The following TYROBP variants were observed in gnomAD, a reference collection of about 807,000 sequenced individuals.
TYROBP encodes TYRO protein tyrosine kinase-binding protein.
Under a neutral mutation model 17.1 loss-of-function variants are expected in TYROBP, and 14 were observed. The ratio of observed to expected loss-of-function variants is 0.82; its 90% CI spans 0.54 to 1.28. The LOEUF is 1.28. Among genes scored for constraint, TYROBP ranks in the 50% most tolerant of loss-of-function variants. TYROBP has a pLI of 0.00. For synonymous variants in TYROBP, 73 were observed against 67.4 expected, an observed-to-expected ratio of 1.08 and a Z score of -0.41; for missense variants, 161 against 151.4, an observed-to-expected ratio of 1.06 and a Z score of -0.33.
chr19:35,907,830 A>G, intron 1 of TYROBP, 68 bp from the exon 2 acceptor site: 1 of 1,552,916 alleles, frequency 6.4e-7, no homozygotes, highest in South Asian at 1.1e-5. Context: ...CAAGTTTAGA[A>G]GCCAGGGAAG....
rs745910229 is a variant in TYROBP at position 35,908,270 on chromosome 19, G to A, written c.-42C>T. 6.3e-7 allele frequency: 1 copy of A among 1,578,648 alleles called. No homozygotes were observed. Among genetic ancestry groups the A allele is most frequent in the Non-Finnish European group, 8.7e-7 (1 of 1,147,948 alleles). The stretch of plus-strand genomic sequence containing the variant: ...GGACACCACAGTGTAAGGGCCGGTG[G>A]GATGTGGCGCAGCGTCCAGGCAAGT... On this transcript the variant is annotated 5_prime_UTR_variant, in exon 1 of 5. Coordinates refer to ENST00000262629, the MANE Select transcript of TYROBP (RefSeq NM_003332.4).
At position 35,907,279 on chromosome 19, in the gene TYROBP, T is replaced by A; in HGVS notation, c.230-15A>T. 1.9e-6 allele frequency: 3 copies of A among 1,610,576 alleles called. No individual in the cohort carries two copies. The highest frequency in any genetic ancestry group is 2.5e-6 in the Non-Finnish European group (3 of 1,178,774). On this transcript the variant is annotated splice_polypyrimidine_tract_variant and intron_variant, in intron 3 of 4. Coordinates refer to ENST00000262629, the MANE Select transcript of TYROBP (RefSeq NM_003332.4). ...CCGGGTCGCTGCTGGAGGTGAGGGG[T>A]GTTGTGGGGTGCAGAGACAGGCAGA...
Position 35,907,244 on chromosome 19 carries a change from T to A in TYROBP, c.250A>T (p.Ile84Phe). ...TGATAAGGCGACTCGGTCTCAGTGATACGCTGTTTCCGGGTCGCTGCTGGA... is the reference window on the plus strand; with the variant it reads ...TGATAAGGCGACTCGGTCTCAGTGAAACGCTGTTTCCGGGTCGCTGCTGGA... ...AAEAATRKQR[I>F]TETESPYQEL... Residue 84 changes from isoleucine (I) to phenylalanine (F), a missense_variant, in exon 4 of 5, where the codon ATC (isoleucine) becomes TTC (phenylalanine). Coordinates refer to ENST00000262629, the MANE Select transcript of TYROBP (RefSeq NM_003332.4). 5.6e-6 allele frequency: 9 copies of A among 1,608,780 alleles called. No homozygotes were observed. Among genetic ancestry groups the A allele is most frequent in the Non-Finnish European group, 7.6e-6 (9 of 1,177,846 alleles).
intron 1 of TYROBP, 21 bp from the exon 2 acceptor site, chr19:35,907,783 A>G: frequency 6.2e-7 from 1 of 1,613,634 alleles, no homozygotes; most frequent in Non-Finnish European, 8.5e-7. Context: ...AAAAGAAGGT[A>G]AACTGAGGCA....
At chr19:35,905,693 A>T (rs1446403158) in intron 4 of TYROBP, among the ~76,000 whole-genome samples, 1 of 151,000 alleles carries the variant, frequency 6.6e-6, no homozygotes, top group Non-Finnish European at 1.5e-5. Context: ...GGTGGCTCAC[A>T]CCTCTAATCC....
intron 1 of TYROBP, 39 bp from the exon 2 acceptor site, chr19:35,907,801 A>T: frequency 6.3e-7 from 1 of 1,599,118 alleles, no homozygotes. Flanking sequence ...GCACAGAGTT[A>T]TGACGGGGGT....
rs953548346 is a variant in TYROBP, at chr19:35,906,204, C to T, written c.276+1014G>A. Among the ~76,000 whole-genome samples the T allele has an allele frequency of 1.1e-4, 16 of 151,374 alleles. No individual in the cohort carries two copies. In the South Asian group the frequency reaches 1.3e-3, roughly 12 times the overall value. ...CCCCTGGGTTCAAGCGATTCTCTTG[C>T]CTCAGCCTCCTGAGAAGCTGGAATT... is the stretch of plus-strand genomic sequence containing the variant. On this transcript the variant is annotated intron_variant, in intron 4 of 4. Transcript: ENST00000262629.
At chr19:35,907,849 T>G in intron 1 of TYROBP, 87 bp from the exon 2 acceptor site, 2 of 1,421,986 alleles carry the variant, frequency 1.4e-6, no homozygotes, top group Non-Finnish European at 2.0e-6. Context: ...AGGTGGATCC[T>G]GACAGCCAAG....
intron 4 of TYROBP, 33 bp from the exon 5 acceptor site, chr19:35,904,667 C>G: frequency 6.2e-7 from 1 of 1,602,508 alleles, no homozygotes; most frequent in Non-Finnish European, 8.5e-7. Context: ...TGGAAGGGAC[C>G]CACCAAATAA....
Position 35,907,551 on chromosome 19 carries a change from C to T in TYROBP, c.124G>A (p.Val42Met), listed in dbSNP as rs78458519. 5.1e-5 allele frequency: 82 copies of T among 1,613,900 alleles called. No homozygotes were observed. In the African/African-American group the frequency reaches 5.3e-4, roughly 10 times the overall value. Residue 42 changes from valine (V) to methionine (M), a missense_variant, in exon 3 of 5, where the codon GTG becomes ATG. Transcript: ENST00000262629. ...TCTCCCATCACGATCCCTGCCAGCA[C>T]GCCCGGGCTCACCGTAGAGCAACTG... ...DCSCSTVSPGVLAGIVMGDLV... is the reference protein window; with the variant it reads ...DCSCSTVSPGMLAGIVMGDLV...
At chr19:35,907,914 C>G in intron 1 of TYROBP, 152 bp from the exon 2 acceptor site, 1 of 840,884 alleles carries the variant, frequency 1.2e-6, no homozygotes, top group Non-Finnish European at 2.0e-6. Flanking sequence ...GGCGTCTGGG[C>G]CACCGGACTA....
At position 35,904,498 on chromosome 19, in the gene TYROBP, A is replaced by G; in HGVS notation, c.*71T>C. ...GGGTCTGTATCGCGGTAGGAGTTGG[A>G]ATGAGGTGCAGGGTGGGCTTCAGGA... On this transcript the variant is annotated 3_prime_UTR_variant, in exon 5 of 5. Coordinates refer to ENST00000262629, the MANE Select transcript of TYROBP (RefSeq NM_003332.4). 1 of 1,503,556 alleles carries G rather than the reference A, an allele frequency of 6.7e-7. No individual in the cohort carries two copies. Among genetic ancestry groups the G allele is most frequent in the South Asian group, 1.1e-5 (1 of 87,256 alleles). 93.1% of individuals were successfully genotyped at this position (1,503,556 alleles called of 1,614,324 possible). A position where few individuals can be genotyped will look rare whatever the true frequency, so the allele number is the denominator to read the frequency against.
At position 35,904,569 on chromosome 19, in the gene TYROBP, T is replaced by G. The variant is rs1975671103; in HGVS notation, c.342A>C (p.Ter114CysextTer17). Residue 114 changes from the stop codon to cysteine, a stop_lost, in exon 5 of 5, where the codon TGA becomes TGC. Transcript: ENST00000262629. ...DLNTQRPYYK[*>C] is the part of the protein sequence containing the mutation. The stretch of plus-strand genomic sequence containing the variant: ...TGTTGCTGACTGTCATGATTCGGGC[T>G]CATTTGTAATACGGCCTCTGTGTGT... 1.2e-6 allele frequency: 2 copies of G among 1,613,606 alleles called. No individual in the cohort carries two copies. Among genetic ancestry groups the G allele is most frequent in the African/African-American group, 1.3e-5 (1 of 74,978 alleles).
intron 4 of TYROBP, among the ~76,000 whole-genome samples, chr19:35,905,652 TAA>T (rs753977412): frequency 6.6e-5 from 9 of 136,068 alleles, no homozygotes; most frequent in South Asian, 2.3e-4. Context: ...ATCTCTACTT[TAA>T]AAAAAAAAAA....
Position 35,908,195 on chromosome 19 carries a change from G to T in TYROBP, c.34C>A (p.Leu12Ile), listed in dbSNP as rs765397155. 6.2e-7 allele frequency: 1 copy of T among 1,613,974 alleles called. No individual in the cohort carries two copies. Among genetic ancestry groups the T allele is most frequent in the South Asian group, 1.1e-5 (1 of 91,078 alleles). ...GGLEPCSRLLLLPLLLAVSGL... is the reference protein window; with the variant it reads ...GGLEPCSRLLILPLLLAVSGL... ...CTTACAGCCAGCAGGAGAGGCAGGAGCAGGAGCCTGCTGCAGGGTTCAAGT... is the reference window on the plus strand; with the variant it reads ...CTTACAGCCAGCAGGAGAGGCAGGATCAGGAGCCTGCTGCAGGGTTCAAGT... The change falls in exon 1 of 5, where the codon CTC (leucine) becomes ATC (isoleucine). Residue 12 changes from leucine to isoleucine, a missense_variant. Transcript: ENST00000262629.
chr19:35,904,648 G>C lies in TYROBP; in HGVS notation c.277-14C>G, dbSNP rs752310044. On this transcript the variant is annotated splice_polypyrimidine_tract_variant and intron_variant, in intron 4 of 4. Coordinates refer to ENST00000262629, the MANE Select transcript of TYROBP (RefSeq NM_003332.4). Reference sequence around the variant, plus strand: ...ACCCTGGAGCTCCTAAAGGAATGGGGGCCATCAGTGGAAGGGACCCACCAA... The same window carrying C: ...ACCCTGGAGCTCCTAAAGGAATGGGCGCCATCAGTGGAAGGGACCCACCAA... 1 of 1,610,542 alleles carries C rather than the reference G, an allele frequency of 6.2e-7. No homozygotes were observed. The highest frequency in any genetic ancestry group is 8.5e-7 in the Non-Finnish European group (1 of 1,178,232).
chr19:35,905,889 G>A (rs1975710212), intron 4 of TYROBP, among the ~76,000 whole-genome samples: 1 of 150,620 alleles, frequency 6.6e-6, no homozygotes, highest in African/African-American at 2.5e-5. Flanking sequence ...GGAGGTGGAG[G>A]TTGCAGTGAG....
chr19:35,907,384 T>TTG, intron 3 of TYROBP, 62 bp downstream of exon 3: 2 of 1,599,466 alleles, frequency 1.3e-6, no homozygotes, highest in Non-Finnish European at 1.7e-6. Flanking sequence ...TCTGGGAGTT[T>TTG]ACCCAGCCCC....
At chr19:35,907,703 G>C in intron 2 of TYROBP, 27 bp downstream of exon 2, 3 of 1,614,090 alleles carry the variant, frequency 1.9e-6, no homozygotes, top group Non-Finnish European at 2.5e-6. Context: ...GGGAGGTAGA[G>C]AGAGGGACTG....
Sources: allele counts gnomAD v4.1 joint callset (sites outside exome capture counted in the v4.1 genomes callset), GRCh38; gene constraint gnomAD v4.1.1; transcripts MANE v1.5; gene names NCBI Gene and HGNC (gene_info 2026-07-23, HGNC 2026-07-21).